The following RAB3IP variants were observed in gnomAD, a reference collection of about 807,000 sequenced individuals.
The protein encoded by RAB3IP is rab-3A-interacting protein.
Under a neutral mutation model 59.1 loss-of-function variants are expected in RAB3IP, and 36 were observed. That is an observed-to-expected ratio of 0.61 (90% CI 0.47 to 0.80). The LOEUF (loss-of-function observed/expected upper bound fraction) is 0.80, where lower values mean the gene tolerates loss of function less well. RAB3IP is among the 30% of genes least tolerant of loss of function. The pLI, the probability that RAB3IP is intolerant of heterozygous loss-of-function variation, is 0.00. For synonymous variants in RAB3IP, 207 were observed against 191.2 expected (o/e 1.08, Z -0.68); for missense variants, 511 against 536.0 (o/e 0.95, Z 0.46).
intron 2 of RAB3IP, 126 bp from the exon 3 acceptor site, chr12:69,756,279 G>A: frequency 1.1e-6 from 1 of 907,368 alleles, no homozygotes; most frequent in Non-Finnish European, 1.7e-6. Context: ...TATGACTGAG[G>A]ACATACTATT....
chr12:69,772,836 A>G (rs898935207), intron 3 of RAB3IP, among the ~76,000 whole-genome samples: 2 of 152,182 alleles, frequency 1.3e-5, no homozygotes, highest in Non-Finnish European at 2.9e-5. Flanking sequence ...ATATACTACT[A>G]TTACAATATT....
At chr12:69,768,724 A>G (rs1358737864) in intron 3 of RAB3IP, among the ~76,000 whole-genome samples, 12 of 152,048 alleles carry the variant, frequency 7.9e-5, no homozygotes, top group Admixed American at 7.9e-4. Flanking sequence ...TCCTGCCCCA[A>G]CCCTGTGACA....
chr12:69,801,681 C>T lies in RAB3IP; in HGVS notation c.1090C>T (p.Arg364Trp), dbSNP rs773832345. The change falls in exon 8 of 11, where the codon CGG becomes TGG. Residue 364 changes from arginine to tryptophan, a missense_variant. Physicochemically the swap from Arg to Trp is moderately radical, Grantham distance 101. Transcript: ENST00000247833. ...TGAACCAGTGGGATTACAACCTATCCGGTTTGTGAAAGCTTCTGCAGTTGA... is the reference window on the plus strand; with the variant it reads ...TGAACCAGTGGGATTACAACCTATCTGGTTTGTGAAAGCTTCTGCAGTTGA... Reference protein sequence around the residue: ...SIEPVGLQPIRFVKASAVECG... With the variant: ...SIEPVGLQPIWFVKASAVECG... 14 of 1,612,430 alleles carry T rather than the reference C, an allele frequency of 8.7e-6. No homozygotes were observed. The highest frequency in any genetic ancestry group is 3.3e-5 in the Admixed American group (2 of 59,878).
At chr12:69,803,674 T>G in intron 8 of RAB3IP, among the ~76,000 whole-genome samples, 1 of 150,920 alleles carries the variant, frequency 6.6e-6, no homozygotes. Flanking sequence ...CAGTCCCCGG[T>G]GTGTGATGTT....
At chr12:69,811,489 C>G in intron 8 of RAB3IP, among the ~76,000 whole-genome samples, 1 of 152,172 alleles carries the variant, frequency 6.6e-6, no homozygotes, top group Non-Finnish European at 1.5e-5. Context: ...AGTAGACCAG[C>G]AGGCATATGT....
intron 4 of RAB3IP, 56 bp from the exon 5 acceptor site, chr12:69,794,381 C>G (rs1361207634): frequency 6.8e-7 from 1 of 1,462,462 alleles, no homozygotes; most frequent in Non-Finnish European, 9.5e-7. Flanking sequence ...TTGGCAAGAA[C>G]TTTTTGAAAA....
chr12:69,767,336 G>A (rs1190120881), intron 3 of RAB3IP, among the ~76,000 whole-genome samples: 1 of 152,208 alleles, frequency 6.6e-6, no homozygotes, highest in African/African-American at 2.4e-5. Context: ...AGAGTCAGCT[G>A]TAGCCAATGC....
At chr12:69,789,639 A>AC (rs1876288726) in intron 4 of RAB3IP, among the ~76,000 whole-genome samples, 1 of 152,130 alleles carries the variant, frequency 6.6e-6, no homozygotes, top group Non-Finnish European at 1.5e-5. Flanking sequence ...ACAAGGAAAA[A>AC]ACTATGGGCC....
At position 69,756,658 on chromosome 12, in the gene RAB3IP, C is replaced by T; in HGVS notation, c.505C>T (p.Gln169Ter). The change falls in exon 3 of 11, where the codon CAG becomes TAG. Residue 169 changes from glutamine to a stop codon, truncating the protein, a stop_gained. Coordinates refer to ENST00000247833, the MANE Select transcript of RAB3IP (RefSeq NM_022456.5). LOFTEE classifies it high-confidence loss of function. The part of the protein sequence containing the change: ...ERLKEELAKA[Q>*]RELKLKDEEC... Reference sequence around the variant, plus strand: ...ATTAAAAGAAGAACTCGCAAAAGCTCAGAGGGTAAGAAAGAAGATATTTTA... The same window carrying T: ...ATTAAAAGAAGAACTCGCAAAAGCTTAGAGGGTAAGAAAGAAGATATTTTA... The T allele has an allele frequency of 6.2e-7, 1 of 1,612,388 alleles. No individual in the cohort carries two copies. The highest frequency in any genetic ancestry group is 8.5e-7 in the Non-Finnish European group (1 of 1,179,260).
chr12:69,805,063 T>C (rs1034128213), intron 8 of RAB3IP, among the ~76,000 whole-genome samples: 2 of 152,244 alleles, frequency 1.3e-5, no homozygotes, highest in African/African-American at 4.8e-5. Context: ...GGGGATGGCA[T>C]TGAATCTATA....
chr12:69,759,865 C>T (rs1280283718), intron 3 of RAB3IP, among the ~76,000 whole-genome samples: 8 of 151,858 alleles, frequency 5.3e-5, no homozygotes, highest in Admixed American at 6.6e-5. Flanking sequence ...ACGGGGCTGC[C>T]GGGCAGAGAC....
intron 3 of RAB3IP, among the ~76,000 whole-genome samples, chr12:69,770,565 A>G (rs1255236875): frequency 6.6e-6 from 1 of 152,164 alleles, no homozygotes; most frequent in African/African-American, 2.4e-5. Context: ...GGCCAACTGT[A>G]TCTCTCAAAT....
chr12:69,815,035 G>A lies in RAB3IP; in HGVS notation c.1301-329G>A, dbSNP rs144280330. On this transcript the variant is annotated intron_variant, in intron 10 of 10. Transcript: ENST00000247833. The stretch of plus-strand genomic sequence containing the variant: ...AGATTCGTAAGTTAGAGAATAGCTC[G>A]AATAATTGAGTATTGAGTATATTCA... Among the ~76,000 whole-genome samples, 19 of 152,266 alleles carry A rather than the reference G, an allele frequency of 1.2e-4. No individual in the cohort carries two copies. The East Asian group carries it at 3.3e-3, about 26-fold the overall frequency.
At position 69,739,168 on chromosome 12, in the gene RAB3IP, C is replaced by T. The variant is rs11611064; in HGVS notation, c.-26+137C>T. On this transcript the variant is annotated intron_variant, in intron 1 of 10. Transcript: ENST00000247833. ...GGTGCTGGCGCCGTGCAGGGCGCGG[C>T]ACGCGGGGGTTCGGGGGGATGCCCA... 0.35 allele frequency: 52,675 copies of T among 152,002 alleles called. 9,391 individuals are homozygous for T. The highest frequency in any genetic ancestry group is 0.37 in the Non-Finnish European group (25,367 of 68,058). The allele number at this position is 152,002 out of a possible 1,614,324, so 9.4% of individuals were successfully genotyped here.
At chr12:69,746,148 G>A (rs550932690) in intron 1 of RAB3IP, among the ~76,000 whole-genome samples, 1 of 152,248 alleles carries the variant, frequency 6.6e-6, no homozygotes, top group South Asian at 2.1e-4. Context: ...CGTTTAACCA[G>A]CCTCTAGTCT....
intron 8 of RAB3IP, among the ~76,000 whole-genome samples, chr12:69,807,245 G>A (rs1285597537): frequency 7.4e-5 from 11 of 148,302 alleles, no homozygotes; most frequent in South Asian, 2.2e-4. Context: ...CGGGGCAGCC[G>A]TGCAGAGGCG....
chr12:69,790,311 AAAAGC>A (rs1461436055), intron 4 of RAB3IP, among the ~76,000 whole-genome samples: 1 of 152,224 alleles, frequency 6.6e-6, no homozygotes, highest in African/African-American at 2.4e-5. Context: ...TTCAGTGTCA[AAAAGC>A]ATCAAAAAGA....
chr12:69,740,915 G>A (rs1049035780), intron 1 of RAB3IP, among the ~76,000 whole-genome samples: 2 of 152,272 alleles, frequency 1.3e-5, no homozygotes, highest in African/African-American at 4.8e-5. Flanking sequence ...GAACAAATTA[G>A]TGAGCTGGCT....
At position 69,820,962 on chromosome 12, in the gene RAB3IP, T is replaced by A. The variant is rs1177599547; in HGVS notation, c.*5516T>A. 1 of 144,508 alleles carries A rather than the reference T, an allele frequency of 6.9e-6. No homozygotes were observed. The highest frequency in any genetic ancestry group is 6.9e-5 in the Admixed American group (1 of 14,542). The allele number at this position is 144,508 out of a possible 1,614,324, so 9.0% of individuals were successfully genotyped here. ...AAAGCTTTAAAAAACTCCATGAAAA[T>A]TTGCAAAACTTAAAAAAAAAATGTA... On this transcript the variant is annotated 3_prime_UTR_variant, in exon 11 of 11. Transcript: ENST00000247833.
Sources: allele counts gnomAD v4.1 joint callset (sites outside exome capture counted in the v4.1 genomes callset), GRCh38; gene constraint gnomAD v4.1.1; transcripts MANE v1.5; gene names NCBI Gene and HGNC (gene_info 2026-07-23, HGNC 2026-07-21).